The following SDK1 variants were observed in gnomAD, a reference collection of about 807,000 sequenced individuals.
SDK1 encodes sidekick cell adhesion molecule 1.
A neutral mutation model predicts 245.5 loss-of-function variants in SDK1; 157 were observed. The ratio of observed to expected loss-of-function variants is 0.64; its 90% confidence interval spans 0.56 to 0.73. SDK1 has a LOEUF of 0.73. Ranked by LOEUF, SDK1 falls within the 30% of genes least tolerant of loss-of-function variation. SDK1 has a pLI of 0.00. For synonymous variants in SDK1, 1,647 were observed against 1,278.5 expected (o/e 1.29, Z -6.15); for missense variants, 3,583 against 3,002.3 (o/e 1.19, Z -4.52).
rs1583820146 is a variant in SDK1, at chr7:4,010,819, C to T, written c.2132-147C>T. On this transcript the variant is annotated intron_variant, in intron 14 of 44. Coordinates refer to ENST00000404826, the MANE Select transcript of SDK1 (RefSeq NM_152744.4). Reference sequence around the variant, plus strand: ...CACATGGCCAGAGCCTCAGTTTCCACACCTGCTAAATGGGATAAGCTTTCC... The same window carrying T: ...CACATGGCCAGAGCCTCAGTTTCCATACCTGCTAAATGGGATAAGCTTTCC... 8 of 805,724 alleles carry T rather than the reference C, an allele frequency of 9.9e-6. No homozygotes were observed. The South Asian group carries it at 1.1e-4, about 11-fold the overall frequency. 49.9% of individuals were successfully genotyped at this position (805,724 alleles called of 1,614,324 possible).
intron 22 of SDK1, among the ~76,000 whole-genome samples, chr7:4,081,874 A>T (rs1159983826): frequency 6.6e-6 from 1 of 152,178 alleles, no homozygotes; most frequent in Non-Finnish European, 1.5e-5. Context: ...ATTTTGAAGC[A>T]TATTTCAGAC....
At chr7:3,973,922 C>T (rs2128133937) in intron 12 of SDK1, among the ~76,000 whole-genome samples, 1 of 152,082 alleles carries the variant, frequency 6.6e-6, no homozygotes. Flanking sequence ...TGACTCAGGC[C>T]TGTAATCCCA....
intron 4 of SDK1, among the ~76,000 whole-genome samples, chr7:3,742,876 G>A (rs1779515324): frequency 6.6e-6 from 1 of 152,130 alleles, no homozygotes; most frequent in East Asian, 1.9e-4. Context: ...AGAGAAATAT[G>A]TTAGAAAGGA....
chr7:3,600,941 G>A (rs1202981726), intron 1 of SDK1, among the ~76,000 whole-genome samples: 1 of 152,014 alleles, frequency 6.6e-6, no homozygotes, highest in Non-Finnish European at 1.5e-5. Context: ...CATGAATGTT[G>A]TATTTTGTCA....
intron 2 of SDK1, among the ~76,000 whole-genome samples, chr7:3,634,433 A>T (rs1323268789): frequency 6.6e-6 from 1 of 152,016 alleles, no homozygotes; most frequent in Non-Finnish European, 1.5e-5. Context: ...TTTGTGTTTT[A>T]TTTTCTTTGC....
intron 17 of SDK1, among the ~76,000 whole-genome samples, chr7:4,030,014 A>T (rs1412508607): frequency 6.6e-6 from 1 of 152,122 alleles, no homozygotes; most frequent in East Asian, 1.9e-4. Context: ...GAGAGCTGTG[A>T]CCGTAACTTA....
At chr7:4,010,759 G>A (rs933335840) in intron 14 of SDK1, among the ~76,000 whole-genome samples, 1 of 152,152 alleles carries the variant, frequency 6.6e-6, no homozygotes, top group Non-Finnish European at 1.5e-5. Context: ...TGGCGGCACC[G>A]GGGAAGTTGC....
chr7:4,013,566 C>T (rs746230501), intron 16 of SDK1, among the ~76,000 whole-genome samples: 19 of 152,192 alleles, frequency 1.2e-4, no homozygotes, highest in African/African-American at 4.6e-4. Context: ...GCTTCATTAT[C>T]CTTGTGTATG....
rs539166201 is a variant in SDK1 at position 3,997,177 on chromosome 7, C to T, written c.2131+9855C>T. On this transcript the variant is annotated intron_variant, in intron 14 of 44. Coordinates refer to ENST00000404826, the MANE Select transcript of SDK1 (RefSeq NM_152744.4). The stretch of plus-strand genomic sequence containing the variant: ...AATTGTTACGGGATCTTTGGAGTGT[C>T]GCTTTTCCAGCCAGAAACCTCTGTG... Among the ~76,000 whole-genome samples the T allele has an allele frequency of 3.7e-4, 57 of 152,280 alleles. 1 individual carries two copies. Among genetic ancestry groups the T allele is most frequent in the Middle Eastern group, 6.8e-3 (2 of 294 alleles).
intron 1 of SDK1, among the ~76,000 whole-genome samples, chr7:3,489,623 A>T (rs1250608854): frequency 6.6e-5 from 10 of 152,166 alleles, no homozygotes; most frequent in Admixed American, 5.2e-4. Flanking sequence ...AGATGTGATT[A>T]GCTACCCAGT....
intron 35 of SDK1, among the ~76,000 whole-genome samples, chr7:4,187,952 G>A (rs182748398): frequency 6.6e-6 from 1 of 152,196 alleles, no homozygotes; most frequent in Non-Finnish European, 1.5e-5. Context: ...CCACGTGGCT[G>A]GGGAAGGTGA....
intron 14 of SDK1, among the ~76,000 whole-genome samples, chr7:3,990,904 G>A (rs1449372744): frequency 6.6e-6 from 1 of 152,216 alleles, no homozygotes; most frequent in Non-Finnish European, 1.5e-5. Context: ...CAGTTAGCTT[G>A]CCTCCATGAG....
At chr7:3,825,194 C>T (rs1012099099) in intron 5 of SDK1, among the ~76,000 whole-genome samples, 2 of 151,982 alleles carry the variant, frequency 1.3e-5, no homozygotes, top group Non-Finnish European at 1.5e-5. Context: ...AGGTCAGACC[C>T]GGGAAAGCTT....
intron 44 of SDK1, among the ~76,000 whole-genome samples, chr7:4,258,245 G>A (rs1457885041): frequency 2.0e-5 from 3 of 152,206 alleles, no homozygotes; most frequent in Admixed American, 6.5e-5. Context: ...TCTTGGAAAT[G>A]TGGACTCCAG....
At chr7:3,447,849 C>T (rs1191186398) in intron 1 of SDK1, among the ~76,000 whole-genome samples, 1 of 151,836 alleles carries the variant, frequency 6.6e-6, no homozygotes, top group African/African-American at 2.4e-5. Flanking sequence ...GGATTATAAG[C>T]ATGCGCCACC....
chr7:4,025,405 CTG>C (rs1329746904), intron 17 of SDK1, among the ~76,000 whole-genome samples: 1 of 152,190 alleles, frequency 6.6e-6, no homozygotes, highest in Non-Finnish European at 1.5e-5. Flanking sequence ...TAGCGGAGGA[CTG>C]GGGTGGAGCA....
intron 22 of SDK1, among the ~76,000 whole-genome samples, chr7:4,107,964 A>G (rs1309595964): frequency 6.6e-6 from 1 of 152,166 alleles, no homozygotes; most frequent in Non-Finnish European, 1.5e-5. Flanking sequence ...AGGCTGGAAT[A>G]ATATCCTCCG....
chr7:3,391,998 C>G (rs545400615), intron 1 of SDK1, among the ~76,000 whole-genome samples: 2 of 143,520 alleles, frequency 1.4e-5, no homozygotes, highest in Admixed American at 6.8e-5. Context: ...TGCATGCTAC[C>G]TAAGCTTAAA....
chr7:3,590,625 A>G (rs1489484682), intron 1 of SDK1, among the ~76,000 whole-genome samples: 1 of 152,162 alleles, frequency 6.6e-6, no homozygotes, highest in African/African-American at 2.4e-5. Flanking sequence ...GCAAATTTCA[A>G]ATAACTGTAT....
Sources: gnomAD v4.1 joint callset for allele counts (sites outside exome capture counted in the v4.1 genomes callset) on GRCh38, gnomAD v4.1.1 for gene constraint, MANE v1.5 for transcripts, NCBI Gene and HGNC (gene_info 2026-07-23, HGNC 2026-07-21) for gene names.